Variants in NAALADL2 observed in about 807,000 individuals in gnomAD.
The protein encoded by NAALADL2 is inactive N-acetylated-alpha-linked acidic dipeptidase-like protein 2.
Under a neutral mutation model 87.2 loss-of-function variants are expected in NAALADL2, and 76 were observed. The ratio of observed to expected loss-of-function variants is 0.87; its 90% CI spans 0.72 to 1.05. NAALADL2 has a LOEUF of 1.05. Ranked by LOEUF, NAALADL2 falls within the 50% of genes least tolerant of loss-of-function variation. The pLI, the probability that NAALADL2 is intolerant of heterozygous loss-of-function variation, is 0.00. For synonymous variants in NAALADL2, 354 were observed against 331.0 expected, an observed-to-expected ratio of 1.07 and a Z score of -0.75; for missense variants, 1,089 against 945.8, an observed-to-expected ratio of 1.15 and a Z score of -1.99.
At chr3:174,823,536 A>G (rs1221601673) in intron 3 of NAALADL2, among the ~76,000 whole-genome samples, 1 of 152,200 alleles carries the variant, frequency 6.6e-6, no homozygotes, top group Admixed American at 6.5e-5. Context: ...AACAGATTTT[A>G]TATGTATCAC....
intron 5 of NAALADL2, among the ~76,000 whole-genome samples, chr3:175,368,755 T>C (rs12634318): frequency 0.37 from 56,109 of 151,878 alleles, 10,619 homozygotes; most frequent in East Asian, 0.54. Flanking sequence ...AACAACTAGG[T>C]TATGTCGTAT....
chr3:175,556,890 C>T (rs1715364430), intron 9 of NAALADL2, among the ~76,000 whole-genome samples: 1 of 152,164 alleles, frequency 6.6e-6, no homozygotes, highest in East Asian at 1.9e-4. Context: ...CAGGAAAAGT[C>T]TTACTGCTCT....
chr3:174,715,021 T>G (rs1731049983), intron 2 of NAALADL2, among the ~76,000 whole-genome samples: 1 of 152,214 alleles, frequency 6.6e-6, no homozygotes, highest in Non-Finnish European at 1.5e-5. Flanking sequence ...TTGTTGAATT[T>G]TGTCAAAGGC....
In NAALADL2 at chr3:174,873,089, C is replaced by CATTTCGTGTATGT. The variant is rs1407125090; in HGVS notation, c.43+13641_43+13653dup. On this transcript the variant is annotated intron_variant, in intron 1 of 13. Transcript: ENST00000454872. ...TCCAGTGGTTAAAGAATCTGTTGAG[C>CATTTCGTGTATGT]ATTTCGTGTATGTAATTCCCTAATA... 2.0e-5 allele frequency among the ~76,000 whole-genome samples: 3 copies of CATTTCGTGTATGT among 152,206 alleles called. No individual in the cohort carries two copies. The East Asian group carries it at 5.8e-4, about 29-fold the overall frequency.
chr3:174,786,428 G>A (rs1259332137), intron 3 of NAALADL2, among the ~76,000 whole-genome samples: 1 of 146,380 alleles, frequency 6.8e-6, no homozygotes, highest in Non-Finnish European at 1.5e-5. Flanking sequence ...TCCAGCCTGG[G>A]TGACAGAGCA....
At chr3:175,255,626 T>C (rs946747549) in intron 3 of NAALADL2, among the ~76,000 whole-genome samples, 4 of 152,168 alleles carry the variant, frequency 2.6e-5, no homozygotes, top group Admixed American at 2.0e-4. Flanking sequence ...CATAGGAATA[T>C]ATGAATCTGC....
intron 5 of NAALADL2, among the ~76,000 whole-genome samples, chr3:175,343,162 A>T (rs1409175967): frequency 2.6e-5 from 4 of 152,024 alleles, no homozygotes; most frequent in Admixed American, 1.3e-4. Context: ...TGTGCACATT[A>T]AAAAAATGAA....
At position 175,463,701 on chromosome 3, in the gene NAALADL2, G is replaced by GGAGAGAGAGAGAGAGAGA. The variant is rs10591566; in HGVS notation, c.1327+226_1327+243dup. On this transcript the variant is annotated intron_variant, in intron 7 of 13. Coordinates refer to ENST00000454872, the MANE Select transcript of NAALADL2 (RefSeq NM_207015.3). ...TCTTCTAAAATAAATCTTAGTCGGG[G>GGAGAGAGAGAGAGAGAGA]GAGAGAGAGAGAGAGAGAGAGAGAG... Among the ~76,000 whole-genome samples, 145 of 115,508 alleles carry GGAGAGAGAGAGAGAGAGA rather than the reference G, an allele frequency of 1.3e-3. 3 individuals are homozygous for GGAGAGAGAGAGAGAGAGA. The highest frequency in any genetic ancestry group is 4.8e-3 in the African/African-American group (122 of 25,370). 75.8% of individuals were successfully genotyped at this position (115,508 alleles called of 152,430 possible). A position where few individuals can be genotyped will look rare whatever the true frequency, so the allele number is the denominator to read the frequency against.
chr3:174,578,078 T>C (rs1013142008), intron 2 of NAALADL2, among the ~76,000 whole-genome samples: 1 of 152,112 alleles, frequency 6.6e-6, no homozygotes, highest in Middle Eastern at 3.4e-3. Context: ...AATTATTCAA[T>C]TTGAAGAACA....
chr3:175,391,410 C>T (rs919696869), intron 5 of NAALADL2, among the ~76,000 whole-genome samples: 1 of 152,180 alleles, frequency 6.6e-6, no homozygotes, highest in South Asian at 2.1e-4. Context: ...CTCCCTTGAT[C>T]TCTCGCTGTC....
chr3:175,748,475 T>A (rs578203142), intron 12 of NAALADL2, among the ~76,000 whole-genome samples: 1 of 152,346 alleles, frequency 6.6e-6, no homozygotes, highest in Non-Finnish European at 1.5e-5. Context: ...ATGCAGAACA[T>A]AAATCATACT....
intron 5 of NAALADL2, among the ~76,000 whole-genome samples, chr3:175,428,207 G>A (rs1186926993): frequency 6.6e-6 from 1 of 151,964 alleles, no homozygotes; most frequent in African/African-American, 2.4e-5. Context: ...CTTGACTTCT[G>A]TACCTTGACT....
Position 175,528,171 on chromosome 3 carries a change from G to GTA in NAALADL2, c.1654-47859_1654-47858dup, listed in dbSNP as rs574886306. ...GGGACAGAACTAATGGGATATACAT[G>GTA]TATATATATATAAATAACGGGGAGT... On this transcript the variant is annotated intron_variant, in intron 9 of 13. Transcript: ENST00000454872. Among the ~76,000 whole-genome samples the GTA allele has an allele frequency of 5.5e-4, 83 of 151,892 alleles. 1 individual carries two copies. The highest frequency in any genetic ancestry group is 3.1e-3 in the East Asian group (16 of 5,166).
chr3:175,007,531 G>T (rs1462531054), intron 1 of NAALADL2, among the ~76,000 whole-genome samples: 1 of 152,110 alleles, frequency 6.6e-6, no homozygotes, highest in African/African-American at 2.4e-5. Context: ...GGCCCCTGGG[G>T]CTATAGATTT....
At chr3:175,619,259 G>GGAA (rs1725834070) in intron 10 of NAALADL2, among the ~76,000 whole-genome samples, 1 of 98,410 alleles carries the variant, frequency 1.0e-5, no homozygotes, top group Admixed American at 1.2e-4. Context: ...AAGGAAGGAA[G>GGAA]GAAGGAAGGA....
chr3:174,712,133 C>T (rs1203080270), intron 2 of NAALADL2, among the ~76,000 whole-genome samples: 2 of 151,980 alleles, frequency 1.3e-5, no homozygotes, highest in Non-Finnish European at 2.9e-5. Flanking sequence ...TCTTTCTCAC[C>T]CTTGTCCCCA....
chr3:174,572,877 A>C (rs553665358), intron 2 of NAALADL2, among the ~76,000 whole-genome samples: 62 of 152,330 alleles, frequency 4.1e-4, no homozygotes, highest in African/African-American at 1.5e-3. Context: ...ATATTATCTC[A>C]TTTAAATCTT....
At chr3:175,267,748 C>T (rs1390097596) in intron 4 of NAALADL2, among the ~76,000 whole-genome samples, 4 of 152,066 alleles carry the variant, frequency 2.6e-5, no homozygotes, top group Non-Finnish European at 5.9e-5. Flanking sequence ...TCCCTGTCCA[C>T]ATTTGTTTAT....
chr3:174,834,131 C>T (rs1179208663), intron 3 of NAALADL2, among the ~76,000 whole-genome samples: 5 of 147,778 alleles, frequency 3.4e-5, no homozygotes, highest in Non-Finnish European at 7.4e-5. Context: ...GGATTTATTC[C>T]CAAATGCAAG....
Sources: allele counts gnomAD v4.1 joint callset (sites outside exome capture counted in the v4.1 genomes callset), GRCh38; gene constraint gnomAD v4.1.1; transcripts MANE v1.5; gene names NCBI Gene and HGNC (gene_info 2026-07-23, HGNC 2026-07-21).